The following MYO18B variants were observed in gnomAD, a reference collection of about 807,000 sequenced individuals.
MYO18B encodes myosin XVIIIB.
MYO18B carries 204 observed loss-of-function variants against 273.0 expected under a neutral mutation model. That is an observed-to-expected ratio of 0.75 (90% CI 0.67 to 0.84). The LOEUF is 0.84. Ranked by LOEUF, MYO18B falls within the 40% of genes least tolerant of loss-of-function variation. The pLI, the probability that MYO18B is intolerant of heterozygous loss-of-function variation, is 0.00. For missense variants in MYO18B, 3,212 were observed against 3,287.6 expected (o/e 0.98, Z 0.56); for synonymous variants, 1,330 against 1,305.7 (o/e 1.02, Z -0.40).
intron 34 of MYO18B, among the ~76,000 whole-genome samples, chr22:25,934,330 A>AGT (rs2092549630): frequency 6.6e-6 from 1 of 151,948 alleles, no homozygotes; most frequent in Non-Finnish European, 1.5e-5. Flanking sequence ...TCAGTGTTAA[A>AGT]CATCTTAGAA....
Position 25,845,032 on chromosome 22 carries a change from T to G in MYO18B, c.3369-1068T>G, listed in dbSNP as rs2285189. ...AAGATGTTCAGATTCCGTTTTTCCC[T>G]CTTTTAAGCTACATGACCTGGACCT... On this transcript the variant is annotated intron_variant, in intron 18 of 43. Coordinates refer to ENST00000335473, the MANE Select transcript of MYO18B (RefSeq NM_032608.7). Among the ~76,000 whole-genome samples the G allele has an allele frequency of 6.6e-4, 101 of 152,138 alleles. No individual in the cohort carries two copies. In the East Asian group the frequency reaches 0.019, roughly 29 times the overall value.
chr22:25,851,623 A>G (rs2090431452), intron 21 of MYO18B, 44 bp downstream of exon 21: 1 of 1,368,772 alleles, frequency 7.3e-7, no homozygotes, highest in Non-Finnish European at 1.0e-6. Context: ...CTAGATATGG[A>G]TATGTTGGTT....
chr22:25,845,730 G>A (rs1309592749), intron 18 of MYO18B, among the ~76,000 whole-genome samples: 1 of 152,242 alleles, frequency 6.6e-6, no homozygotes, highest in Non-Finnish European at 1.5e-5. Flanking sequence ...CCTACTGTGT[G>A]CTAGGCCTGG....
intron 42 of MYO18B, among the ~76,000 whole-genome samples, chr22:26,019,699 T>G (rs1935657708): frequency 6.6e-6 from 1 of 152,166 alleles, no homozygotes; most frequent in South Asian, 2.1e-4. Flanking sequence ...CATCAATATG[T>G]TTTTAATTTC....
chr22:26,011,574 G>A (rs899788527), intron 42 of MYO18B, among the ~76,000 whole-genome samples: 2 of 152,186 alleles, frequency 1.3e-5, no homozygotes, highest in African/African-American at 4.8e-5. Context: ...ATGGTGGGGA[G>A]GAAGGAAACT....
intron 1 of MYO18B, among the ~76,000 whole-genome samples, chr22:25,760,196 A>G (rs549124057): frequency 1.3e-5 from 2 of 152,186 alleles, no homozygotes; most frequent in Admixed American, 6.5e-5. Context: ...CAGGCGGATC[A>G]TGAGGTCAGG....
intron 31 of MYO18B, 115 bp from the exon 32 acceptor site, chr22:25,908,207 C>T (rs1283826320): frequency 1.1e-4 from 82 of 779,160 alleles, no homozygotes; most frequent in Non-Finnish European, 2.2e-5. Context: ...AATAACTTGA[C>T]TCTCATTTAT....
At chr22:25,973,980 T>C (rs1459896322) in intron 39 of MYO18B, among the ~76,000 whole-genome samples, 3 of 152,192 alleles carry the variant, frequency 2.0e-5, no homozygotes, top group Non-Finnish European at 4.4e-5. Flanking sequence ...CTCAATTGTG[T>C]CTTAGGTCAT....
intron 12 of MYO18B, among the ~76,000 whole-genome samples, chr22:25,819,562 A>G (rs2089187066): frequency 6.6e-6 from 1 of 152,236 alleles, no homozygotes; most frequent in African/African-American, 2.4e-5. Flanking sequence ...GCTCACAGGT[A>G]ACAGTATTTA....
downstream of MYO18B, among the ~76,000 whole-genome samples, chr22:26,033,844 C>T (rs1304187471): frequency 6.8e-6 from 1 of 147,628 alleles, no homozygotes; most frequent in African/African-American, 2.6e-5. Flanking sequence ...TTCTTTCTTT[C>T]CTTTCTTTTT....
intron 34 of MYO18B, among the ~76,000 whole-genome samples, chr22:25,925,367 G>A (rs2092404927): frequency 6.6e-6 from 1 of 152,134 alleles, no homozygotes; most frequent in South Asian, 2.1e-4. Context: ...TTCAGTGGTA[G>A]CATGTATATT....
rs2089769089 is a variant in MYO18B at position 25,833,011 on chromosome 22, C to T, written c.3060+14C>T. 6.2e-7 allele frequency: 1 copy of T among 1,611,630 alleles called. No individual in the cohort carries two copies. The highest frequency in any genetic ancestry group is 1.3e-5 in the African/African-American group (1 of 74,852). ...AATCCCTCTCAGGTAACACAGGGCC[C>T]AGCCAATCCAGGCTCTCAGATGCCA... On this transcript the variant is annotated intron_variant, in intron 16 of 43. Coordinates refer to ENST00000335473, the MANE Select transcript of MYO18B (RefSeq NM_032608.7).
chr22:25,902,814 A>C, intron 30 of MYO18B, 78 bp downstream of exon 30: 2 of 1,473,162 alleles, frequency 1.4e-6, no homozygotes, highest in Non-Finnish European at 1.8e-6. Flanking sequence ...ACCTGCTGCA[A>C]ATGGTGACAG....
At chr22:25,882,771 A>G (rs2091379385) in intron 25 of MYO18B, among the ~76,000 whole-genome samples, 1 of 152,238 alleles carries the variant, frequency 6.6e-6, no homozygotes, top group Admixed American at 6.5e-5. Flanking sequence ...TTTAGAGCGT[A>G]CAATGGCAGT....
rs55988814 is a variant in MYO18B at position 25,792,453 on chromosome 22, G to A, written c.2377-5500G>A. ...CCCTGCAGTCTCCATGAGGTTCACT[G>A]GCCTGTGCGGGCACCTATGTGATGT... On this transcript the variant is annotated intron_variant, in intron 11 of 43. Transcript: ENST00000335473. Among the ~76,000 whole-genome samples, 971 of 150,040 alleles carry A rather than the reference G, an allele frequency of 6.5e-3. 7 individuals carry two copies. The highest frequency in any genetic ancestry group is 0.011 in the Non-Finnish European group (724 of 67,778).
At chr22:25,997,978 C>CACACACACACGAGAGAGA (rs34431605) in intron 40 of MYO18B, among the ~76,000 whole-genome samples, 7 of 144,550 alleles carry the variant, frequency 4.8e-5, no homozygotes, top group Admixed American at 6.9e-5. Flanking sequence ...CACACACACA[C>CACACACACACGAGAGAGA]GAGAGAGAGA....
intron 17 of MYO18B, among the ~76,000 whole-genome samples, chr22:25,839,002 G>A (rs183389614): frequency 1.3e-5 from 2 of 151,838 alleles, no homozygotes; most frequent in East Asian, 3.9e-4. Flanking sequence ...GTGCCTGTGT[G>A]TATATGTGTG....
intron 3 of MYO18B, among the ~76,000 whole-genome samples, chr22:25,763,806 G>T (rs1327718004): frequency 6.6e-6 from 1 of 152,206 alleles, no homozygotes; most frequent in Non-Finnish European, 1.5e-5. Context: ...ATGAATAAAT[G>T]ATATTCATTG....
intron 34 of MYO18B, among the ~76,000 whole-genome samples, chr22:25,942,415 G>T (rs1039411981): frequency 6.6e-6 from 1 of 152,190 alleles, no homozygotes; most frequent in Non-Finnish European, 1.5e-5. Flanking sequence ...AGAGGTTTCC[G>T]TTATAGCACG....
Sources: gnomAD v4.1 joint callset for allele counts (sites outside exome capture counted in the v4.1 genomes callset) on GRCh38, gnomAD v4.1.1 for gene constraint, MANE v1.5 for transcripts, NCBI Gene and HGNC (gene_info 2026-07-23, HGNC 2026-07-21) for gene names.